The following IKZF1 variants were observed in gnomAD, a reference collection of about 807,000 sequenced individuals.
IKZF1 encodes the protein DNA-binding protein Ikaros.
In IKZF1, 10 loss-of-function variants were observed where a neutral mutation model predicts 51.7. That is an observed-to-expected ratio of 0.19 (90% CI 0.12 to 0.33). The LOEUF is 0.33. IKZF1 is among the 10% of genes least tolerant of loss of function. IKZF1 has a pLI of 1.00. For synonymous variants in IKZF1, 280 were observed against 282.3 expected (o/e 0.99, Z 0.08); for missense variants, 484 against 707.5 (o/e 0.68, Z 3.58).
intron 3 of IKZF1, among the ~76,000 whole-genome samples, chr7:50,336,164 T>C (rs1797719864): frequency 1.3e-5 from 2 of 152,120 alleles, no homozygotes; most frequent in African/African-American, 4.8e-5. Context: ...GTGGCCAGGC[T>C]GGGTCCCCGG....
intron 3 of IKZF1, among the ~76,000 whole-genome samples, chr7:50,347,083 G>A (rs1010308177): frequency 2.6e-5 from 4 of 152,102 alleles, no homozygotes; most frequent in Non-Finnish European, 5.9e-5. Flanking sequence ...GGCAATTATC[G>A]TTATCTCATT....
At chr7:50,317,068 A>G (rs1264916399) in intron 1 of IKZF1, among the ~76,000 whole-genome samples, 2 of 152,264 alleles carry the variant, frequency 1.3e-5, no homozygotes, top group Non-Finnish European at 2.9e-5. Context: ...AGAAATAAAT[A>G]TACAGAAAAA....
intron 3 of IKZF1, among the ~76,000 whole-genome samples, chr7:50,374,646 G>C (rs145434878): frequency 1.7e-3 from 258 of 152,304 alleles, no homozygotes; most frequent in African/African-American, 5.5e-3. Flanking sequence ...GGGATCACTG[G>C]GGGTGAGCCT....
At chr7:50,339,905 T>G (rs1299711196) in intron 3 of IKZF1, among the ~76,000 whole-genome samples, 2 of 152,210 alleles carry the variant, frequency 1.3e-5, no homozygotes, top group Non-Finnish European at 2.9e-5. Context: ...TGTTACTAAA[T>G]TACTATGATT....
rs775179199 is a variant in IKZF1 at position 50,376,913 on chromosome 7, T to C, written c.421+120T>C. 8 of 1,469,544 alleles carry C rather than the reference T, an allele frequency of 5.4e-6. No homozygotes were observed. The highest frequency in any genetic ancestry group is 6.3e-6 in the Non-Finnish European group (7 of 1,104,918). The allele number at this position is 1,469,544 out of a possible 1,614,324, so 91.0% of individuals were successfully genotyped here. On this transcript the variant is annotated intron_variant, in intron 4 of 7. Coordinates refer to ENST00000331340, the MANE Select transcript of IKZF1 (RefSeq NM_006060.6). The surrounding 1 kb of genome is among the most constrained non-coding windows in gnomAD (Gnocchi z 4.5). ...GTTTCTAATTGACTGGTAGCTCAGT[T>C]GTTGCAAGCGATTGGTTCCAAGTGG...
At chr7:50,365,854 C>CA (rs1340957300) in intron 3 of IKZF1, among the ~76,000 whole-genome samples, 1 of 152,256 alleles carries the variant, frequency 6.6e-6, no homozygotes, top group African/African-American at 2.4e-5. Context: ...TTCACGATAG[C>CA]AAAAACATGG....
chr7:50,373,037 A>G (rs1350940243), intron 3 of IKZF1, among the ~76,000 whole-genome samples: 2 of 152,234 alleles, frequency 1.3e-5, no homozygotes, highest in Non-Finnish European at 2.9e-5. Context: ...AGGACAGAGT[A>G]CTGCTTTCAG....
chr7:50,386,913 T>A (rs186661120), intron 5 of IKZF1, among the ~76,000 whole-genome samples: 10 of 152,306 alleles, frequency 6.6e-5, no homozygotes, highest in Admixed American at 2.6e-4. Flanking sequence ...AGCACCAGCG[T>A]CATGACAGAT....
In IKZF1 at chr7:50,403,330, CT is replaced by C. The variant is rs1021284878; in HGVS notation, c.*2710del. The C allele has an allele frequency of 2.2e-5, 5 of 223,052 alleles. No individual in the cohort carries two copies. Among genetic ancestry groups the C allele is most frequent in the Admixed American group, 5.7e-5 (1 of 17,424 alleles). The allele number at this position is 223,052 out of a possible 1,614,324, so 13.8% of individuals were successfully genotyped here. ...AAGTAGGAGTTTGCATGACTTCACA[CT>C]TTTTTTGCGTAGTTTCTTCTGTTGT... On this transcript the variant is annotated 3_prime_UTR_variant, in exon 8 of 8. Transcript: ENST00000331340.
Position 50,364,209 on chromosome 7 carries a change from C to G in IKZF1, c.161-12324C>G, listed in dbSNP as rs528502169. On this transcript the variant is annotated intron_variant, in intron 3 of 7. Coordinates refer to ENST00000331340, the MANE Select transcript of IKZF1 (RefSeq NM_006060.6). ...GCCTCTCCCCAGAGTGACAACGGCACAAGAAGTTTATAATTTTATGCACAG... is the reference window on the plus strand; with the variant it reads ...GCCTCTCCCCAGAGTGACAACGGCAGAAGAAGTTTATAATTTTATGCACAG... 3.2e-4 allele frequency among the ~76,000 whole-genome samples: 49 copies of G among 152,270 alleles called. No homozygotes were observed. The South Asian group carries it at 0.01, about 32-fold the overall frequency.
At position 50,376,573 on chromosome 7, in the gene IKZF1, T is replaced by G. The variant is rs1253829043; in HGVS notation, c.201T>G (p.Asn67Lys). 1.2e-6 allele frequency: 2 copies of G among 1,613,854 alleles called. No homozygotes were observed. Among genetic ancestry groups the G allele is most frequent in the Non-Finnish European group, 1.7e-6 (2 of 1,179,896 alleles). The part of the protein sequence containing the change: ...VKVETQSDEE[N>K]GRACEMNGEE... ...TAGAGACTCAGAGTGATGAAGAGAA[T>G]GGGCGTGCCTGTGAAATGAATGGGG... Residue 67 changes from asparagine to lysine, a missense_variant, in exon 4 of 8, where the codon AAT (asparagine) becomes AAG (lysine). Physicochemically the swap from Asn to Lys is moderately conservative, Grantham distance 94. Transcript: ENST00000331340. The surrounding 1 kb of genome is among the most constrained non-coding windows in gnomAD (Gnocchi z 4.5).
chr7:50,330,917 C>A (rs1796319366), intron 3 of IKZF1, among the ~76,000 whole-genome samples: 1 of 152,128 alleles, frequency 6.6e-6, no homozygotes, highest in South Asian at 2.1e-4. Context: ...GTAAGGCACA[C>A]CTCAGAAGGG....
chr7:50,376,483 G>GTTTTT lies in IKZF1; in HGVS notation c.161-44_161-40dup. 7.4e-7 allele frequency: 1 copy of GTTTTT among 1,359,390 alleles called. No individual in the cohort carries two copies. The highest frequency in any genetic ancestry group is 1.0e-6 in the Non-Finnish European group (1 of 996,244). 84.2% of individuals were successfully genotyped at this position (1,359,390 alleles called of 1,614,324 possible). On this transcript the variant is annotated intron_variant, in intron 3 of 7. Transcript: ENST00000331340. This position sits in a 1 kb window ranked among gnomAD's most constrained non-coding sequence, Gnocchi z 4.5. ...TTTTGCTGCTGTGTTGTTTTGTTGAGTTTTTTTTTTGCAATGACACTGAGT... is the reference window on the plus strand; with the variant it reads ...TTTTGCTGCTGTGTTGTTTTGTTGAGTTTTTTTTTTTTTTTGCAATGACACTGAGT...
intron 6 of IKZF1, among the ~76,000 whole-genome samples, chr7:50,389,548 A>G (rs541226222): frequency 2.0e-5 from 3 of 152,350 alleles, no homozygotes; most frequent in Admixed American, 2.0e-4. Context: ...TCAGTGTGGC[A>G]GCAGACAAAG....
intron 1 of IKZF1, among the ~76,000 whole-genome samples, chr7:50,307,486 G>A (rs1169176794): frequency 1.3e-5 from 2 of 152,110 alleles, no homozygotes; most frequent in Non-Finnish European, 1.5e-5. Context: ...TGCTTCTAGC[G>A]GCAGAGTTGC....
rs761651713 is a variant in IKZF1 at position 50,318,118 on chromosome 7, GGGGCACCTGA to G, written c.-14-928_-14-919del. 2.3e-3 allele frequency among the ~76,000 whole-genome samples: 344 copies of G among 151,762 alleles called. 3 individuals carry two copies. The highest frequency in any genetic ancestry group is 7.5e-3 in the African/African-American group (311 of 41,320). ...GGAGCTGCCAGCTGTCATCCACTTT[GGGGCACCTGA>G]GACTGCCGAGCGGCAGGCCAGGACC... On this transcript the variant is annotated intron_variant, in intron 1 of 7. Coordinates refer to ENST00000331340, the MANE Select transcript of IKZF1 (RefSeq NM_006060.6).
intron 3 of IKZF1, among the ~76,000 whole-genome samples, chr7:50,334,088 G>A (rs956878679): frequency 1.2e-4 from 18 of 152,158 alleles, no homozygotes; most frequent in Non-Finnish European, 2.5e-4. Flanking sequence ...TTCCAGATTC[G>A]TTTTGGGTAG....
Position 50,376,956 on chromosome 7 carries a change from C to G in IKZF1, c.421+163C>G. 8.1e-7 allele frequency: 1 copy of G among 1,232,850 alleles called. No individual in the cohort carries two copies. Among genetic ancestry groups the G allele is most frequent in the Non-Finnish European group, 1.1e-6 (1 of 907,476 alleles). 76.4% of individuals were successfully genotyped at this position (1,232,850 alleles called of 1,614,324 possible). ...CCAAGTGGTACCGAGTCATAGAGTCCTTGTTCTGGTACAGCCTTGTAAAGG... is the reference window on the plus strand; with the variant it reads ...CCAAGTGGTACCGAGTCATAGAGTCGTTGTTCTGGTACAGCCTTGTAAAGG... On this transcript the variant is annotated intron_variant, in intron 4 of 7. Coordinates refer to ENST00000331340, the MANE Select transcript of IKZF1 (RefSeq NM_006060.6). The surrounding 1 kb of genome is among the most constrained non-coding windows in gnomAD (Gnocchi z 4.5).
chr7:50,364,266 G>A (rs1267409585), intron 3 of IKZF1, among the ~76,000 whole-genome samples: 9 of 152,140 alleles, frequency 5.9e-5, no homozygotes, highest in Non-Finnish European at 2.9e-5. Context: ...TGGTTTGTGG[G>A]TATTTCATTT....
Sources: allele counts gnomAD v4.1 joint callset (sites outside exome capture counted in the v4.1 genomes callset), GRCh38; gene constraint gnomAD v4.1.1; non-coding constraint Gnocchi (gnomAD v3.1); transcripts MANE v1.5; gene names NCBI Gene and HGNC (gene_info 2026-07-23, HGNC 2026-07-21).